Variants in RAPGEF6 observed in about 807,000 individuals in gnomAD.
The protein encoded by RAPGEF6 is PDZ domain containing guanine nucleotide exchange factor (GEF) 2.
RAPGEF6 carries 56 observed loss-of-function variants against 171.4 expected under a neutral mutation model. That is an observed-to-expected ratio of 0.33 (90% CI 0.26 to 0.41). The LOEUF (loss-of-function observed/expected upper bound fraction) is 0.41. Among genes scored for constraint, RAPGEF6 ranks in the 10% least tolerant of loss-of-function variants. RAPGEF6 has a pLI of 1.00. For synonymous variants in RAPGEF6, 692 were observed against 650.1 expected, an observed-to-expected ratio of 1.06 and a Z score of -0.98; for missense variants, 1,674 against 1,921.4, an observed-to-expected ratio of 0.87 and a Z score of 2.41.
rs527880171 is a variant in RAPGEF6 at position 131,497,218 on chromosome 5, T to C, written c.1419+1225A>G. On this transcript the variant is annotated intron_variant, in intron 12 of 27. Transcript: ENST00000509018. Reference sequence around the variant, plus strand: ...AAGTCCTTGGTCCATGTTTAAACTGTGCTGTCTTTTCGTTGTTGAGTTGTA... The same window carrying C: ...AAGTCCTTGGTCCATGTTTAAACTGCGCTGTCTTTTCGTTGTTGAGTTGTA... Among the ~76,000 whole-genome samples, 3 of 152,322 alleles carry C rather than the reference T, an allele frequency of 2.0e-5. No individual in the cohort carries two copies. In the South Asian group the frequency reaches 6.2e-4, roughly 32 times the overall value.
At chr5:131,526,780 T>C in intron 6 of RAPGEF6, among the ~76,000 whole-genome samples, 1 of 152,304 alleles carries the variant, frequency 6.6e-6, no homozygotes, top group African/African-American at 2.4e-5. Flanking sequence ...ACAGCATCCT[T>C]CATCCATTTC....
chr5:131,492,284 C>G (rs1299840754), intron 14 of RAPGEF6, among the ~76,000 whole-genome samples: 1 of 152,138 alleles, frequency 6.6e-6, no homozygotes, highest in Non-Finnish European at 1.5e-5. Context: ...TCTCAAGTTG[C>G]CAGCTTATAC....
chr5:131,499,830 T>C (rs1756899074), intron 11 of RAPGEF6, among the ~76,000 whole-genome samples: 1 of 152,208 alleles, frequency 6.6e-6, no homozygotes, highest in African/African-American at 2.4e-5. Context: ...ACATTAATAC[T>C]AACAATGTTC....
intron 3 of RAPGEF6, among the ~76,000 whole-genome samples, chr5:131,600,181 T>C (rs1764144251): frequency 6.6e-6 from 1 of 152,322 alleles, no homozygotes; most frequent in South Asian, 2.1e-4. Flanking sequence ...AAACTATAAT[T>C]AAATCTTTTA....
At chr5:131,470,085 G>GT (rs1161934728) in intron 17 of RAPGEF6, among the ~76,000 whole-genome samples, 1 of 151,944 alleles carries the variant, frequency 6.6e-6, no homozygotes, top group East Asian at 1.9e-4. Context: ...GGGAATTGAT[G>GT]TTTTTTTCAA....
At chr5:131,460,222 T>C (rs1186748482) in intron 19 of RAPGEF6, among the ~76,000 whole-genome samples, 1 of 152,186 alleles carries the variant, frequency 6.6e-6, no homozygotes, top group African/African-American at 2.4e-5. Context: ...TTTGGGCTAC[T>C]GTCCATCACA....
chr5:131,489,288 C>G (rs1756126294), intron 15 of RAPGEF6, among the ~76,000 whole-genome samples: 2 of 152,172 alleles, frequency 1.3e-5, no homozygotes, highest in African/African-American at 4.8e-5. Context: ...GTACATAATA[C>G]ACGCTCCATA....
chr5:131,586,070 A>G (rs981111911), intron 4 of RAPGEF6, among the ~76,000 whole-genome samples: 3 of 152,172 alleles, frequency 2.0e-5, no homozygotes, highest in Non-Finnish European at 2.9e-5. Context: ...TTGGCAAAAT[A>G]AACTTTCTAA....
intron 4 of RAPGEF6, among the ~76,000 whole-genome samples, chr5:131,579,771 G>A (rs1039973637): frequency 9.2e-5 from 14 of 152,194 alleles, no homozygotes; most frequent in African/African-American, 3.4e-4. Context: ...GACACAGAGT[G>A]CTGAATGGTG....
chr5:131,429,320 A>T, intron 26 of RAPGEF6, 104 bp from the exon 27 acceptor site: 2 of 1,009,572 alleles, frequency 2.0e-6, no homozygotes, highest in Non-Finnish European at 1.4e-6. Context: ...ACTTAAAAAT[A>T]GACAAAATGA....
chr5:131,472,810 TC>T (rs1754842453), intron 16 of RAPGEF6, 66 bp from the exon 17 acceptor site: 1 of 1,413,990 alleles, frequency 7.1e-7, no homozygotes, highest in African/African-American at 1.4e-5. Context: ...ACGTTTCTGT[TC>T]CCTGTGCACT....
At chr5:131,470,260 TA>T (rs1754652028) in intron 17 of RAPGEF6, among the ~76,000 whole-genome samples, 1 of 152,228 alleles carries the variant, frequency 6.6e-6, no homozygotes, top group South Asian at 2.1e-4. Context: ...GAACAGATTT[TA>T]AAAAGGCATC....
intron 6 of RAPGEF6, among the ~76,000 whole-genome samples, chr5:131,528,623 C>A (rs1390056175): frequency 6.6e-6 from 1 of 151,808 alleles, no homozygotes; most frequent in Non-Finnish European, 1.5e-5. Flanking sequence ...ATTTTTGAAA[C>A]CACAGAGAAG....
intron 1 of RAPGEF6, among the ~76,000 whole-genome samples, chr5:131,607,672 C>T (rs541253373): frequency 1.7e-4 from 26 of 152,268 alleles, no homozygotes; most frequent in Admixed American, 1.6e-3. Context: ...AAAGAATAGG[C>T]TAGAGGTGAC....
chr5:131,426,823 A>C lies in RAPGEF6; in HGVS notation c.*443T>G, dbSNP rs776168262. 5.5e-6 allele frequency: 1 copy of C among 181,020 alleles called. No individual in the cohort carries two copies. The highest frequency in any genetic ancestry group is 2.4e-5 in the African/African-American group (1 of 41,634). 11.2% of individuals were successfully genotyped at this position (181,020 alleles called of 1,614,324 possible). A position where few individuals can be genotyped will look rare whatever the true frequency, so the allele number is the denominator to read the frequency against. On this transcript the variant is annotated 3_prime_UTR_variant, in exon 28 of 28. Transcript: ENST00000509018. ...AAACAAAACCACAACAATTCAAATA[A>C]TAAGTTATTTTTCAAATATACAAGA...
At chr5:131,521,260 T>C in intron 7 of RAPGEF6, 130 bp downstream of exon 7, 1 of 959,140 alleles carries the variant, frequency 1.0e-6, no homozygotes, top group Non-Finnish European at 1.5e-6. Context: ...TATATAAAGC[T>C]TATTTTTCTA....
chr5:131,630,864 C>A (rs1766262112), intron 1 of RAPGEF6, among the ~76,000 whole-genome samples: 1 of 152,216 alleles, frequency 6.6e-6, no homozygotes, highest in African/African-American at 2.4e-5. Context: ...TAATTCTCAT[C>A]CCTTTGTATA....
At chr5:131,534,795 T>C (rs890961777) in intron 6 of RAPGEF6, among the ~76,000 whole-genome samples, 4 of 152,020 alleles carry the variant, frequency 2.6e-5, no homozygotes, top group Non-Finnish European at 4.4e-5. Context: ...GATGAGTATT[T>C]TACACATAAA....
At chr5:131,501,391 G>A (rs978163225) in intron 11 of RAPGEF6, among the ~76,000 whole-genome samples, 2 of 151,470 alleles carry the variant, frequency 1.3e-5, no homozygotes, top group Non-Finnish European at 2.9e-5. Flanking sequence ...AGATGGTTAT[G>A]ATTTGCAATT....
Sources: allele counts gnomAD v4.1 joint callset (sites outside exome capture counted in the v4.1 genomes callset), GRCh38; gene constraint gnomAD v4.1.1; transcripts MANE v1.5; gene names NCBI Gene and HGNC (gene_info 2026-07-23, HGNC 2026-07-21).